Variants in ATP1A4 observed in about 807,000 individuals in gnomAD.
The protein encoded by ATP1A4 is sodium/potassium-transporting ATPase subunit alpha-4.
In ATP1A4, 90 loss-of-function variants were observed where a neutral mutation model predicts 114.3. That is an observed-to-expected ratio of 0.79 (90% CI 0.66 to 0.94). The LOEUF (loss-of-function observed/expected upper bound fraction) is 0.94, where lower values mean the gene tolerates loss of function less well. Ranked by LOEUF, ATP1A4 falls within the 40% of genes least tolerant of loss-of-function variation. The pLI is 0.00. For missense variants in ATP1A4, 1,222 were observed against 1,313.6 expected (o/e 0.93, Z 1.08); for synonymous variants, 511 against 494.1 (o/e 1.03, Z -0.45).
intron 11 of ATP1A4, 67 bp from the exon 12 acceptor site, chr1:160,171,518 T>C: frequency 6.3e-7 from 1 of 1,599,344 alleles, no homozygotes; most frequent in Non-Finnish European, 8.5e-7. Flanking sequence ...ATCAAGGATG[T>C]TGGGGTAAGC....
At chr1:160,154,164 G>T (rs1053101620) in intron 2 of ATP1A4, among the ~76,000 whole-genome samples, 14 of 152,096 alleles carry the variant, frequency 9.2e-5, no homozygotes, top group African/African-American at 3.4e-4. Flanking sequence ...GACCAGCCTG[G>T]CCAACATGGT....
At chr1:160,167,446 G>A (rs1339249035) in intron 10 of ATP1A4, 34 bp downstream of exon 10, 1 of 1,605,462 alleles carries the variant, frequency 6.2e-7, no homozygotes, top group African/African-American at 1.4e-5. Flanking sequence ...GAATGGTGGT[G>A]GGGGGATGGG....
At chr1:160,154,957 T>G in intron 2 of ATP1A4, 88 bp from the exon 3 acceptor site, 2 of 1,290,516 alleles carry the variant, frequency 1.5e-6, no homozygotes, top group Non-Finnish European at 2.2e-6. Context: ...CTAGACCCAT[T>G]CTGGGGCTCC....
rs779136359 is a variant in ATP1A4 at position 160,177,613 on chromosome 1, C to A, written c.2685C>A (p.His895Gln). Residue 895 changes from histidine to glutamine, a missense_variant, in exon 18 of 22, where the codon CAC becomes CAA. By Grantham distance (24) the His-to-Gln change is conservative (BLOSUM62 0). Coordinates refer to ENST00000368081, the MANE Select transcript of ATP1A4 (RefSeq NM_144699.4). Reference sequence around the variant, plus strand: ...TTGATCTGCTGGGCATCCGCCTCCACTGGGAAGATAAATACTTGAATGACC... The same window carrying A: ...TTGATCTGCTGGGCATCCGCCTCCAATGGGAAGATAAATACTTGAATGACC... ...RPVDLLGIRL[H>Q]WEDKYLNDLE... is the part of the protein sequence containing the mutation. The A allele has an allele frequency of 9.3e-6, 15 of 1,614,060 alleles. No individual in the cohort carries two copies. The East Asian group carries it at 3.3e-4, about 36-fold the overall frequency.
chr1:160,176,149 T>A lies in ATP1A4; in HGVS notation c.2369T>A (p.Ile790Asn), dbSNP rs1034613191. ...KSIMYTLTSNIPEITPFLMFI... is the reference protein window; with the variant it reads ...KSIMYTLTSNNPEITPFLMFI... ...ATCATGTACACCCTGACCAGCAACATCCCCGAGATCACGCCCTTCCTGATG... is the reference window on the plus strand; with the variant it reads ...ATCATGTACACCCTGACCAGCAACAACCCCGAGATCACGCCCTTCCTGATG... Residue 790 changes from isoleucine to asparagine, a missense_variant, in exon 16 of 22, where the codon ATC (isoleucine) becomes AAC (asparagine). By Grantham distance (149) the Ile-to-Asn change is moderately radical. Transcript: ENST00000368081. The A allele has an allele frequency of 1.2e-6, 2 of 1,613,740 alleles. No homozygotes were observed. Among genetic ancestry groups the A allele is most frequent in the African/African-American group, 2.7e-5 (2 of 74,800 alleles).
intron 3 of ATP1A4, 65 bp downstream of exon 3, chr1:160,155,313 A>G (rs537656608): frequency 3.6e-6 from 5 of 1,386,980 alleles, no homozygotes; most frequent in South Asian, 1.2e-5. Flanking sequence ...TCTTTTGCTC[A>G]GCAGCCTAGC....
Position 160,159,109 on chromosome 1 carries a change from C to T in ATP1A4, c.633C>T (p.Leu211=), listed in dbSNP as rs1379383121. 1.2e-6 allele frequency: 2 copies of T among 1,614,086 alleles called. No individual in the cohort carries two copies. Among genetic ancestry groups the T allele is most frequent in the Non-Finnish European group, 1.7e-6 (2 of 1,179,988 alleles). Residue 211 remains leucine (L), a synonymous_variant, in exon 5 of 22, where the codon CTC becomes CTT. Coordinates refer to ENST00000368081, the MANE Select transcript of ATP1A4 (RefSeq NM_144699.4). ...GTGGAGACCGAGTCCCTGCTGACCT[C>T]CGGCTTATCTCTGCACAAGGATGTA... ...IKGGDRVPAD[L]RLISAQGCKV...
At chr1:160,179,395 A>G (rs1280307933) in intron 18 of ATP1A4, among the ~76,000 whole-genome samples, 1 of 152,264 alleles carries the variant, frequency 6.6e-6, no homozygotes, top group Admixed American at 6.5e-5. Context: ...CAATAAATTA[A>G]AGGTAATTAA....
At chr1:160,167,179 C>G (rs1482044017) in intron 9 of ATP1A4, 99 bp from the exon 10 acceptor site, 18 of 1,562,640 alleles carry the variant, frequency 1.2e-5, no homozygotes, top group Non-Finnish European at 1.6e-5. Flanking sequence ...CCCCAGGTAC[C>G]CGCCCTCCCC....
Position 160,186,324 on chromosome 1 carries a change from C to T in ATP1A4, c.3018C>T (p.Val1006=). 1 of 1,613,778 alleles carries T rather than the reference C, an allele frequency of 6.2e-7. No individual in the cohort carries two copies. Among genetic ancestry groups the T allele is most frequent in the Non-Finnish European group, 8.5e-7 (1 of 1,179,976 alleles). ...TTCCCTACAGTATTCTCATCTTCGT[C>T]TATGATGAAATCAGAAAACTCCTCA... The part of the protein sequence containing the change: ...CAIPYSILIF[V]YDEIRKLLIR... The change falls in exon 21 of 22, where the codon GTC becomes GTT. Residue 1006 remains valine, a synonymous_variant. Transcript: ENST00000368081.
intron 4 of ATP1A4, among the ~76,000 whole-genome samples, chr1:160,157,593 T>C (rs2101626422): frequency 6.6e-6 from 1 of 152,320 alleles, no homozygotes; most frequent in East Asian, 1.9e-4. Flanking sequence ...CTTACTGAAA[T>C]TGATAACTAC....
intron 2 of ATP1A4, among the ~76,000 whole-genome samples, chr1:160,154,487 A>T (rs577026673): frequency 3.7e-4 from 56 of 152,322 alleles, no homozygotes; most frequent in Middle Eastern, 3.4e-3. Flanking sequence ...CATAACCTCA[A>T]ACATTTATCA....
At chr1:160,182,115 A>G in intron 20 of ATP1A4, 84 bp downstream of exon 20, 1 of 1,153,516 alleles carries the variant, frequency 8.7e-7, no homozygotes. Flanking sequence ...TAGGATTGTC[A>G]TGAGCCAGGA....
intron 7 of ATP1A4, among the ~76,000 whole-genome samples, chr1:160,165,526 A>G (rs1281095881): frequency 2.0e-5 from 3 of 152,118 alleles, no homozygotes; most frequent in Non-Finnish European, 4.4e-5. Context: ...TTGGGAGGCC[A>G]AGGTGGGCGG....
At chr1:160,163,216 T>C (rs1444223363) in intron 6 of ATP1A4, among the ~76,000 whole-genome samples, 1 of 152,162 alleles carries the variant, frequency 6.6e-6, no homozygotes, top group Non-Finnish European at 1.5e-5. Flanking sequence ...AACACTTCTG[T>C]GTCCAACATG....
rs1031873917 is a variant in ATP1A4, at chr1:160,178,290, G to A, written c.2736+626G>A. On this transcript the variant is annotated intron_variant, in intron 18 of 21. Transcript: ENST00000368081. ...GAATCACTTGAACCCGGGGGGCAAA[G>A]TTTGCAGTGAGCCAAGATCACGCCA... Among the ~76,000 whole-genome samples, 60 of 152,174 alleles carry A rather than the reference G, an allele frequency of 3.9e-4. 1 individual carries two copies. The highest frequency in any genetic ancestry group is 4.8e-5 in the African/African-American group (2 of 41,450).
At position 160,176,606 on chromosome 1, in the gene ATP1A4, C is replaced by A. The variant is rs1436275479; in HGVS notation, c.2590+4C>A. On this transcript the variant is annotated splice_donor_region_variant and intron_variant, in intron 17 of 21. Coordinates refer to ENST00000368081, the MANE Select transcript of ATP1A4 (RefSeq NM_144699.4). Reference sequence around the variant, plus strand: ...GGCATGGCCTATGGACAGATTGGTGCGCCCAGAGGAATGAGGGGTGGAGGG... The same window carrying A: ...GGCATGGCCTATGGACAGATTGGTGAGCCCAGAGGAATGAGGGGTGGAGGG... 9.3e-6 allele frequency: 15 copies of A among 1,613,060 alleles called. No individual in the cohort carries two copies. The highest frequency in any genetic ancestry group is 1.2e-5 in the Non-Finnish European group (14 of 1,179,384).
chr1:160,153,144 A>T (rs1277566647), intron 1 of ATP1A4, 21 bp from the exon 2 acceptor site: 2 of 1,612,016 alleles, frequency 1.2e-6, no homozygotes, highest in Admixed American at 3.3e-5. Context: ...CTGTCCCTCA[A>T]TGCCTCTACT....
At chr1:160,183,000 TC>T (rs1653762447) in intron 20 of ATP1A4, 1 of 152,240 alleles carries the variant, frequency 6.6e-6, no homozygotes, top group South Asian at 2.1e-4. Context: ...TATGCATGTC[TC>T]TACTCTGCTC....
Sources: allele counts gnomAD v4.1 joint callset (sites outside exome capture counted in the v4.1 genomes callset), GRCh38; gene constraint gnomAD v4.1.1; transcripts MANE v1.5; gene names NCBI Gene and HGNC (gene_info 2026-07-23, HGNC 2026-07-21).